The following PRPF39 variants were observed in gnomAD, a reference collection of about 807,000 sequenced individuals.
The protein encoded by PRPF39 is pre-mRNA processing factor 39, also known as pre-mRNA-processing factor 39.
In PRPF39, 27 loss-of-function variants were observed where a neutral mutation model predicts 82.1. The ratio of observed to expected loss-of-function variants is 0.33; its 90% confidence interval spans 0.24 to 0.45. The LOEUF (loss-of-function observed/expected upper bound fraction) is 0.45, where lower values mean the gene tolerates loss of function less well. Ranked by LOEUF, PRPF39 falls within the 20% of genes least tolerant of loss-of-function variation. The pLI is 1.00. For synonymous variants in PRPF39, 261 were observed against 256.4 expected (o/e 1.02, Z -0.17); for missense variants, 581 against 796.9 (o/e 0.73, Z 3.26).
intron 12 of PRPF39, 74 bp from the exon 13 acceptor site, chr14:45,114,420 G>C: frequency 6.9e-7 from 1 of 1,440,732 alleles, no homozygotes; most frequent in Non-Finnish European, 9.3e-7. Context: ...CAAATATACA[G>C]ATAACATTCA....
In PRPF39 at chr14:45,102,649, T is replaced by A; in HGVS notation, c.690T>A (p.Asp230Glu). Reference sequence around the variant, plus strand: ...TGAGAGAAGTTACAGCTATATATGATCGTATTCTTGGTATTCCAACACAGC... The same window carrying A: ...TGAGAGAAGTTACAGCTATATATGAACGTATTCTTGGTATTCCAACACAGC... The part of the protein sequence containing the change: ...GNLREVTAIY[D>E]RILGIPTQLY... The change falls in exon 5 of 14, where the codon GAT (aspartate) becomes GAA (glutamate). Residue 230 changes from aspartate to glutamate, a missense_variant. Transcript: ENST00000355765. 1 of 1,611,256 alleles carries A rather than the reference T, an allele frequency of 6.2e-7. No homozygotes were observed. The highest frequency in any genetic ancestry group is 8.5e-7 in the Non-Finnish European group (1 of 1,178,762).
At chr14:45,093,001 G>A (rs17115811) in intron 1 of PRPF39, among the ~76,000 whole-genome samples, 24,432 of 151,980 alleles carry the variant, frequency 0.16, 3,663 homozygotes, top group African/African-American at 0.4. Context: ...ATTGCAGATA[G>A]GCAAAAAGAA....
chr14:45,086,663 ATTTG>A (rs1883836663), intron 1 of PRPF39, among the ~76,000 whole-genome samples: 2 of 152,148 alleles, frequency 1.3e-5, no homozygotes, highest in Non-Finnish European at 2.9e-5. Flanking sequence ...ATTCAGAGAT[ATTTG>A]TTGTGCTGTT....
Position 45,110,181 on chromosome 14 carries a change from A to C in PRPF39, c.1264A>C (p.Met422Leu). The change falls in exon 9 of 14, where the codon ATG becomes CTG. Residue 422 changes from methionine (M) to leucine (L), a missense_variant. Physicochemically the swap from Met to Leu is conservative, Grantham distance 15. Coordinates refer to ENST00000355765, the MANE Select transcript of PRPF39 (RefSeq NM_017922.4). The surrounding 1 kb of genome is among the most constrained non-coding windows in gnomAD (Gnocchi z 4.0). ...ACTIHLPKKP[M>L]VHMLWAAFEE... ...TACTATACATCTCCCAAAGAAACCC[A>C]TGGTGCATATGCTTTGGGCAGCTTT... The C allele has an allele frequency of 6.8e-6, 11 of 1,613,748 alleles. No homozygotes were observed. Among genetic ancestry groups the C allele is most frequent in the Non-Finnish European group, 9.3e-6 (11 of 1,179,702 alleles).
Position 45,107,437 on chromosome 14 carries a change from T to C in PRPF39, c.738-14T>C, listed in dbSNP as rs913576482. Reference sequence around the variant, plus strand: ...TATGATTCAAATACATATATTTTTATTGTCTTCCTTTAGATTTAAAGAACA... The same window carrying C: ...TATGATTCAAATACATATATTTTTACTGTCTTCCTTTAGATTTAAAGAACA... On this transcript the variant is annotated splice_polypyrimidine_tract_variant and intron_variant, in intron 5 of 13. Transcript: ENST00000355765. 1.4e-6 allele frequency: 2 copies of C among 1,477,334 alleles called. No homozygotes were observed. Among genetic ancestry groups the C allele is most frequent in the African/African-American group, 2.8e-5 (2 of 71,080 alleles). The allele number at this position is 1,477,334 out of a possible 1,614,324, so 91.5% of individuals were successfully genotyped here. A position where few individuals can be genotyped will look rare whatever the true frequency, so the allele number is the denominator to read the frequency against.
chr14:45,096,334 A>G (rs1005443786), intron 3 of PRPF39, 106 bp downstream of exon 3: 103 of 1,500,180 alleles, frequency 6.9e-5, no homozygotes, highest in Non-Finnish European at 9.0e-5. Context: ...AGTACCTACC[A>G]TTTATGGTCA....
At chr14:45,090,808 C>G (rs1316746611) in intron 1 of PRPF39, among the ~76,000 whole-genome samples, 1 of 152,072 alleles carries the variant, frequency 6.6e-6, no homozygotes. Flanking sequence ...AGGACCTTAT[C>G]TTACACTTAT....
intron 1 of PRPF39, among the ~76,000 whole-genome samples, chr14:45,089,421 C>A (rs1311804389): frequency 2.6e-5 from 4 of 152,118 alleles, no homozygotes; most frequent in Non-Finnish European, 4.4e-5. Flanking sequence ...TTTCTGTGTT[C>A]TTTATTTCAT....
chr14:45,109,572 T>A (rs752921743), intron 7 of PRPF39, 44 bp from the exon 8 acceptor site: 23 of 1,520,024 alleles, frequency 1.5e-5, no homozygotes, highest in Non-Finnish European at 2.0e-5. Flanking sequence ...CATATTTTGG[T>A]GATATTGGTT....
At chr14:45,096,285 C>T in intron 3 of PRPF39, 57 bp downstream of exon 3, 1 of 1,282,514 alleles carries the variant, frequency 7.8e-7, no homozygotes, top group Non-Finnish European at 1.0e-6. Context: ...CAATTAATAA[C>T]AAAACAAAGA....
At chr14:45,084,418 A>G (rs1023313819) in intron 1 of PRPF39, among the ~76,000 whole-genome samples, 169 bp downstream of exon 1, 3 of 151,620 alleles carry the variant, frequency 2.0e-5, no homozygotes, top group African/African-American at 7.3e-5. Context: ...TCTCCTTCCC[A>G]CCTGTTGGGT....
Position 45,091,485 on chromosome 14 carries a change from T to G in PRPF39, c.-19-3736T>G, listed in dbSNP as rs553699611. 9.2e-5 allele frequency among the ~76,000 whole-genome samples: 14 copies of G among 152,360 alleles called. No individual in the cohort carries two copies. In the South Asian group the frequency reaches 2.9e-3, roughly 32 times the overall value. ...TGGAAATGTTTTAGAATCTGGGTTT[T>G]GTATCCGTGTGACAATTTTAAAGGG... is the stretch of plus-strand genomic sequence containing the variant. On this transcript the variant is annotated intron_variant, in intron 1 of 13. Coordinates refer to ENST00000355765, the MANE Select transcript of PRPF39 (RefSeq NM_017922.4).
chr14:45,116,130 G>T lies in PRPF39; in HGVS notation c.*1217G>T. ...CAATAGTAACAAGTTCTAACTAGTT[G>T]TGTAAATTTCTTCAAGGCCAAGTTT... On this transcript the variant is annotated 3_prime_UTR_variant, in exon 14 of 14. Transcript: ENST00000355765. 2 of 1,079,414 alleles carry T rather than the reference G, an allele frequency of 1.9e-6. No individual in the cohort carries two copies. Among genetic ancestry groups the T allele is most frequent in the African/African-American group, 1.5e-5 (1 of 64,684 alleles). The allele number at this position is 1,079,414 out of a possible 1,614,324, so 66.9% of individuals were successfully genotyped here.
chr14:45,111,929 C>T (rs1011378499), intron 10 of PRPF39, among the ~76,000 whole-genome samples: 4 of 152,010 alleles, frequency 2.6e-5, no homozygotes, highest in South Asian at 4.2e-4. Context: ...TGAGCCACCA[C>T]GCCCGGTTAA....
At chr14:45,088,599 T>C (rs569857044) in intron 1 of PRPF39, among the ~76,000 whole-genome samples, 1 of 152,368 alleles carries the variant, frequency 6.6e-6, no homozygotes, top group East Asian at 1.9e-4. Context: ...TTCATGTACA[T>C]TTAGACAAGT....
At chr14:45,112,593 T>C (rs529347602) in intron 11 of PRPF39, 91 bp downstream of exon 11, 5 of 1,200,918 alleles carry the variant, frequency 4.2e-6, no homozygotes, top group Admixed American at 7.9e-5. Context: ...ATTAATACAT[T>C]GTTAAATTTT....
At chr14:45,096,674 G>T (rs1170903395) in intron 3 of PRPF39, 3 of 1,510,208 alleles carry the variant, frequency 2.0e-6, no homozygotes, top group Non-Finnish European at 1.8e-6. Context: ...CGGTCAGAAT[G>T]CAGGGACTGC....
At chr14:45,114,718 A>G (rs1317946561) in intron 13 of PRPF39, 104 bp downstream of exon 13, 2 of 1,429,086 alleles carry the variant, frequency 1.4e-6, no homozygotes, top group Non-Finnish European at 1.9e-6. Flanking sequence ...TGTGTAATAC[A>G]TTCTTTGGTG....
intron 4 of PRPF39, among the ~76,000 whole-genome samples, chr14:45,100,779 A>G (rs1394476146): frequency 6.6e-6 from 1 of 152,100 alleles, no homozygotes; most frequent in Non-Finnish European, 1.5e-5. Context: ...AACTTTGTTT[A>G]TGGTGTCTTT....
Sources: allele counts gnomAD v4.1 joint callset (sites outside exome capture counted in the v4.1 genomes callset), GRCh38; gene constraint gnomAD v4.1.1; non-coding constraint Gnocchi (gnomAD v3.1); transcripts MANE v1.5; gene names NCBI Gene and HGNC (gene_info 2026-07-23, HGNC 2026-07-21).